The following TNFAIP8L3 variants were observed in gnomAD, a reference collection of about 807,000 sequenced individuals.
TNFAIP8L3 encodes TNF alpha induced protein 8 like 3.
In TNFAIP8L3, 7 loss-of-function variants were observed where a neutral mutation model predicts 11.8. The observed-to-expected ratio is 0.59, with a 90% CI of 0.34 to 1.11. The LOEUF is 1.11. Among genes scored for constraint, TNFAIP8L3 ranks in the 50% most tolerant of loss-of-function variants. The probability of loss-of-function intolerance (pLI) is 0.03; values close to 1 mark genes in which losing one functional copy is unlikely to be tolerated. For synonymous variants in TNFAIP8L3, 98 were observed against 103.8 expected (o/e 0.94, Z 0.34); for missense variants, 219 against 258.6 (o/e 0.85, Z 1.05).
chr15:51,089,952 A>T (rs2065456073), intron 1 of TNFAIP8L3, among the ~76,000 whole-genome samples: 1 of 152,242 alleles, frequency 6.6e-6, no homozygotes, highest in Non-Finnish European at 1.5e-5. Context: ...TTTATCTTCA[A>T]TCTGTCAGTA....
intron 1 of TNFAIP8L3, among the ~76,000 whole-genome samples, chr15:51,103,675 G>C (rs1361864973): frequency 6.6e-6 from 1 of 152,218 alleles, no homozygotes; most frequent in Admixed American, 6.5e-5. Context: ...ACTGTGAACT[G>C]TGGTCTTCTA....
intron 1 of TNFAIP8L3, among the ~76,000 whole-genome samples, chr15:51,082,795 T>C (rs1367313108): frequency 1.3e-5 from 2 of 152,206 alleles, no homozygotes; most frequent in African/African-American, 4.8e-5. Flanking sequence ...CATTAGTCTC[T>C]GCCGACAAAG....
chr15:51,104,266 C>G (rs2065573639), intron 1 of TNFAIP8L3, among the ~76,000 whole-genome samples: 1 of 152,182 alleles, frequency 6.6e-6, no homozygotes, highest in African/African-American at 2.4e-5. Context: ...TTTCCTGTGT[C>G]TTGATTGCTG....
At chr15:51,069,996 A>G (rs2065297816) in intron 1 of TNFAIP8L3, among the ~76,000 whole-genome samples, 1 of 152,226 alleles carries the variant, frequency 6.6e-6, no homozygotes, top group African/African-American at 2.4e-5. Flanking sequence ...TTTAAATACA[A>G]AAGGGCCAGT....
chr15:51,064,049 C>T (rs758827202), intron 1 of TNFAIP8L3, among the ~76,000 whole-genome samples: 7 of 152,104 alleles, frequency 4.6e-5, no homozygotes, highest in South Asian at 2.1e-4. Context: ...GGAGGGTCAC[C>T]GGGATAGCAT....
chr15:51,058,524 T>C (rs559441636), intron 1 of TNFAIP8L3, 81 bp from the exon 2 acceptor site: 288 of 1,261,392 alleles, frequency 2.3e-4, no homozygotes, highest in Non-Finnish European at 2.8e-4. Flanking sequence ...ACACACTAAC[T>C]TGAACTTATG....
chr15:51,079,855 C>CAAAAAA (rs10602536), intron 1 of TNFAIP8L3, among the ~76,000 whole-genome samples: 8 of 77,624 alleles, frequency 1.0e-4, no homozygotes, highest in African/African-American at 2.1e-4. Context: ...GACTTTGTCT[C>CAAAAAA]AAAAAAAAAA....
At chr15:51,063,330 G>C (rs1221760113) in intron 1 of TNFAIP8L3, among the ~76,000 whole-genome samples, 1 of 152,190 alleles carries the variant, frequency 6.6e-6, no homozygotes, top group Non-Finnish European at 1.5e-5. Context: ...CCAGCAAGGA[G>C]GGCTTTCCCA....
intron 1 of TNFAIP8L3, among the ~76,000 whole-genome samples, chr15:51,084,393 T>G (rs533629408): frequency 6.6e-6 from 1 of 152,356 alleles, no homozygotes; most frequent in African/African-American, 2.4e-5. Context: ...CCATAAATAT[T>G]TGACTGAATA....
At chr15:51,066,169 T>A (rs1334876053) in intron 1 of TNFAIP8L3, among the ~76,000 whole-genome samples, 1 of 150,968 alleles carries the variant, frequency 6.6e-6, no homozygotes, top group Admixed American at 6.6e-5. Context: ...CTTTCCTTTT[T>A]TTTTTTTTTT....
intron 1 of TNFAIP8L3, among the ~76,000 whole-genome samples, chr15:51,072,391 T>C (rs1373374814): frequency 1.3e-5 from 2 of 152,222 alleles, no homozygotes; most frequent in Admixed American, 6.5e-5. Flanking sequence ...CTGCCTCCTC[T>C]TAGCCTCCCA....
intron 1 of TNFAIP8L3, among the ~76,000 whole-genome samples, chr15:51,060,446 G>T (rs1035731026): frequency 2.0e-5 from 3 of 152,190 alleles, no homozygotes; most frequent in Non-Finnish European, 4.4e-5. Flanking sequence ...AAAAAAATGA[G>T]TCATGGCTTT....
At chr15:51,090,537 C>T (rs1471229635) in intron 1 of TNFAIP8L3, among the ~76,000 whole-genome samples, 3 of 152,174 alleles carry the variant, frequency 2.0e-5, no homozygotes, top group South Asian at 2.1e-4. Flanking sequence ...CCCCAGTATG[C>T]GCCCTCTACT....
At chr15:51,078,881 G>A (rs115648119) in intron 1 of TNFAIP8L3, among the ~76,000 whole-genome samples, 37 of 151,882 alleles carry the variant, frequency 2.4e-4, no homozygotes, top group Admixed American at 1.3e-3. Context: ...CCTCTCTTTC[G>A]CTACCTCAGT....
upstream of TNFAIP8L3, among the ~76,000 whole-genome samples, chr15:51,095,034 C>T (rs2065502921): frequency 6.6e-6 from 1 of 152,064 alleles, no homozygotes; most frequent in Admixed American, 6.5e-5. Context: ...AAGGCCGAGC[C>T]CCTTCCCTAG....
upstream of TNFAIP8L3, among the ~76,000 whole-genome samples, chr15:51,098,480 T>C (rs1049273192): frequency 1.3e-5 from 2 of 152,224 alleles, no homozygotes; most frequent in African/African-American, 4.8e-5. Flanking sequence ...TCCATGGGAC[T>C]GTAGGTAAGC....
At chr15:51,095,210 GAGGGAAGGGGGGCGGGGAATA>G (rs2065504761), upstream of TNFAIP8L3, among the ~76,000 whole-genome samples, 1 of 141,536 alleles carries the variant, frequency 7.1e-6, no homozygotes, top group African/African-American at 2.6e-5. Flanking sequence ...CTAGGAAGAT[GAGGGAAGGGGGGCGGGGAATA>G]AGGGAAGGGG....
At chr15:51,078,595 CT>C (rs768155020) in intron 1 of TNFAIP8L3, among the ~76,000 whole-genome samples, 10 of 152,156 alleles carry the variant, frequency 6.6e-5, no homozygotes, top group Non-Finnish European at 8.8e-5. Flanking sequence ...GGACTGACCC[CT>C]GCCCCGCATG....
At chr15:51,072,661 G>T (rs576326559) in intron 1 of TNFAIP8L3, among the ~76,000 whole-genome samples, 23 of 152,038 alleles carry the variant, frequency 1.5e-4, no homozygotes, top group Non-Finnish European at 2.1e-4. Flanking sequence ...TTCTCCCCAC[G>T]ATTTATTCTA....
Sources: allele counts gnomAD v4.1 joint callset (sites outside exome capture counted in the v4.1 genomes callset), GRCh38; gene constraint gnomAD v4.1.1; transcripts MANE v1.5; gene names NCBI Gene and HGNC (gene_info 2026-07-23, HGNC 2026-07-21).